STAU2: variants seen among roughly 807,000 people sequenced by gnomAD.
The protein encoded by STAU2 is double-stranded RNA-binding protein Staufen homolog 2.
Under a neutral mutation model 65.9 loss-of-function variants are expected in STAU2, and 20 were observed. That is an observed-to-expected ratio of 0.30 (90% CI 0.21 to 0.44). STAU2 has a LOEUF of 0.44. STAU2 is among the 20% of genes least tolerant of loss of function. The pLI, the probability that STAU2 is intolerant of heterozygous loss-of-function variation, is 1.00. For missense variants in STAU2, 558 were observed against 683.9 expected (o/e 0.82, Z 2.05); for synonymous variants, 232 against 233.9 (o/e 0.99, Z 0.07).
intron 13 of STAU2, among the ~76,000 whole-genome samples, chr8:73,427,930 T>A (rs1816946161): frequency 6.6e-6 from 1 of 152,242 alleles, no homozygotes; most frequent in African/African-American, 2.4e-5. Context: ...AATTTTATTA[T>A]TTTTTGTAAC....
chr8:73,495,814 G>A (rs1329474720), intron 13 of STAU2, among the ~76,000 whole-genome samples: 7 of 151,134 alleles, frequency 4.6e-5, no homozygotes, highest in African/African-American at 1.7e-4. Flanking sequence ...AGCAACAATT[G>A]ATTCATACAG....
intron 9 of STAU2, among the ~76,000 whole-genome samples, chr8:73,611,284 G>C (rs1282496223): frequency 6.6e-6 from 1 of 152,182 alleles, no homozygotes; most frequent in Non-Finnish European, 1.5e-5. Context: ...TTACATTTCA[G>C]AGGGTATCTA....
At chr8:73,715,014 G>A (rs1415571159) in intron 3 of STAU2, among the ~76,000 whole-genome samples, 6 of 150,948 alleles carry the variant, frequency 4.0e-5, no homozygotes, top group Admixed American at 1.3e-4. Flanking sequence ...CCGGGAGGTG[G>A]TGGTTGCAAG....
chr8:73,522,889 A>G (rs982859252), intron 13 of STAU2, among the ~76,000 whole-genome samples: 7 of 152,078 alleles, frequency 4.6e-5, no homozygotes. Flanking sequence ...CACTTTTTGT[A>G]GACTGATAAT....
At chr8:73,518,652 G>C (rs1480907559) in intron 13 of STAU2, among the ~76,000 whole-genome samples, 2 of 152,116 alleles carry the variant, frequency 1.3e-5, no homozygotes, top group Non-Finnish European at 2.9e-5. Flanking sequence ...AGTTCAGGTG[G>C]TGGGCTGAAG....
chr8:73,735,539 T>C (rs1046057240), intron 3 of STAU2, among the ~76,000 whole-genome samples: 4 of 152,230 alleles, frequency 2.6e-5, no homozygotes, highest in Admixed American at 6.5e-5. Context: ...GAAATGCTCA[T>C]TGGAGCATTT....
intron 12 of STAU2, among the ~76,000 whole-genome samples, chr8:73,567,034 C>T (rs557178788): frequency 7.2e-5 from 11 of 152,158 alleles, no homozygotes; most frequent in Non-Finnish European, 1.3e-4. Flanking sequence ...AACAATACCA[C>T]GCTGAGAATC....
At chr8:73,554,214 T>A (rs753641088) in intron 12 of STAU2, among the ~76,000 whole-genome samples, 8 of 152,154 alleles carry the variant, frequency 5.3e-5, no homozygotes, top group South Asian at 2.1e-4. Context: ...CCCAGATAAG[T>A]TGGGTCATTG....
chr8:73,502,735 T>C (rs987153095), intron 13 of STAU2, among the ~76,000 whole-genome samples: 2 of 152,062 alleles, frequency 1.3e-5, no homozygotes, highest in Non-Finnish European at 2.9e-5. Context: ...ATATATCTCA[T>C]AGGCCAGTTA....
At chr8:73,578,637 C>T (rs953257064) in intron 12 of STAU2, among the ~76,000 whole-genome samples, 13 of 152,242 alleles carry the variant, frequency 8.5e-5, no homozygotes, top group South Asian at 4.1e-4. Flanking sequence ...CCTCTATTTA[C>T]GGGACCTTTG....
chr8:73,602,629 G>A (rs1027617113), intron 10 of STAU2, among the ~76,000 whole-genome samples: 2 of 151,742 alleles, frequency 1.3e-5, no homozygotes, highest in African/African-American at 4.8e-5. Flanking sequence ...AGGCTGAAAA[G>A]GGAGGATCTC....
rs117739742 is a variant in STAU2 at position 73,484,951 on chromosome 8, T to C, written c.1531-62249A>G. On this transcript the variant is annotated intron_variant, in intron 13 of 14. Transcript: ENST00000524300. ...ATACCTTATTAATTAGTTGACAATT[T>C]TACATCATAATTACACTTGATCCTT... is the stretch of plus-strand genomic sequence containing the variant. Among the ~76,000 whole-genome samples the C allele has an allele frequency of 6.4e-4, 97 of 152,158 alleles. No individual in the cohort carries two copies. In the East Asian group the frequency reaches 0.019, roughly 30 times the overall value.
intron 13 of STAU2, among the ~76,000 whole-genome samples, chr8:73,442,971 T>C (rs1944707476): frequency 6.6e-6 from 1 of 152,362 alleles, no homozygotes; most frequent in East Asian, 1.9e-4. Context: ...GAATCCATGA[T>C]AGATTTATAA....
intron 6 of STAU2, among the ~76,000 whole-genome samples, chr8:73,661,821 T>G (rs1816852709): frequency 6.6e-6 from 1 of 152,216 alleles, no homozygotes. Flanking sequence ...CATTACAGTG[T>G]AACCATTTAC....
chr8:73,473,161 A>T (rs1439491310), intron 13 of STAU2, among the ~76,000 whole-genome samples: 1 of 152,148 alleles, frequency 6.6e-6, no homozygotes. Context: ...CGAGCAGTCA[A>T]TGAGGAGAGT....
At chr8:73,591,565 T>C (rs1369898141) in intron 11 of STAU2, among the ~76,000 whole-genome samples, 1 of 152,026 alleles carries the variant, frequency 6.6e-6, no homozygotes, top group Non-Finnish European at 1.5e-5. Flanking sequence ...CTGGAGTAGC[T>C]ATATTAATAT....
chr8:73,638,733 T>C (rs1274376246), intron 6 of STAU2, among the ~76,000 whole-genome samples: 4 of 151,842 alleles, frequency 2.6e-5, no homozygotes, highest in East Asian at 1.9e-4. Flanking sequence ...ACATAAAAAA[T>C]TGCTTGTTGA....
At chr8:73,729,348 G>A (rs1805881100) in intron 3 of STAU2, among the ~76,000 whole-genome samples, 1 of 152,126 alleles carries the variant, frequency 6.6e-6, no homozygotes, top group African/African-American at 2.4e-5. Flanking sequence ...TATTAATAAG[G>A]AATATTGGTC....
At chr8:73,662,836 G>A (rs971024444) in intron 6 of STAU2, among the ~76,000 whole-genome samples, 5 of 151,884 alleles carry the variant, frequency 3.3e-5, no homozygotes, top group East Asian at 1.9e-4. Flanking sequence ...GGCTGGTCTC[G>A]AACTCCTGAC....
Sources: allele counts gnomAD v4.1 joint callset (sites outside exome capture counted in the v4.1 genomes callset), GRCh38; gene constraint gnomAD v4.1.1; transcripts MANE v1.5; gene names NCBI Gene and HGNC (gene_info 2026-07-23, HGNC 2026-07-21).